Variants in RNF2 observed in about 807,000 individuals in gnomAD.
RNF2 encodes the protein E3 ubiquitin-protein ligase RING2.
A neutral mutation model predicts 37.2 loss-of-function variants in RNF2; 6 were observed. That is an observed-to-expected ratio of 0.16 (90% CI 0.09 to 0.32). The LOEUF (loss-of-function observed/expected upper bound fraction) is 0.32, where lower values mean the gene tolerates loss of function less well. Among genes scored for constraint, RNF2 ranks in the 10% least tolerant of loss-of-function variants. The pLI is 1.00. For synonymous variants in RNF2, 133 were observed against 132.7 expected (o/e 1.00, Z -0.02); for missense variants, 251 against 404.0 (o/e 0.62, Z 3.25).
chr1:185,070,362 A>G (rs1380820028), intron 1 of RNF2, among the ~76,000 whole-genome samples: 1 of 152,224 alleles, frequency 6.6e-6, no homozygotes, highest in Non-Finnish European at 1.5e-5. Context: ...AAGATCATTT[A>G]CTGTGCTTTC....
At chr1:185,070,636 T>C (rs1054204109) in intron 1 of RNF2, among the ~76,000 whole-genome samples, 2 of 150,608 alleles carry the variant, frequency 1.3e-5, no homozygotes, top group Admixed American at 6.6e-5. Flanking sequence ...GTATTTTCTT[T>C]TCTTTTTTTT....
chr1:185,100,173 T>C, intron 6 of RNF2, 27 bp from the exon 7 acceptor site: 2 of 1,520,362 alleles, frequency 1.3e-6, no homozygotes, highest in Non-Finnish European at 8.9e-7. Flanking sequence ...GCAGTTTTCA[T>C]AATTTTTTCT....
Position 185,093,021 on chromosome 1 carries a change from C to T in RNF2, c.249-40C>T, listed in dbSNP as rs774520203. The T allele has an allele frequency of 2.1e-5, 33 of 1,579,518 alleles. 1 individual carries two copies. In the Middle Eastern group the frequency reaches 1.4e-3, roughly 67 times the overall value. ...TATTTTTGTCTTTAGCCCAAAGATA[C>T]TAGCATTGTTTACATTTGCTTTCCC... is the stretch of plus-strand genomic sequence containing the variant. On this transcript the variant is annotated intron_variant, in intron 3 of 6. Coordinates refer to ENST00000367510, the MANE Select transcript of RNF2 (RefSeq NM_007212.4).
chr1:185,076,674 T>G (rs1304574808), intron 1 of RNF2, among the ~76,000 whole-genome samples: 1 of 148,896 alleles, frequency 6.7e-6, no homozygotes, highest in Non-Finnish European at 1.5e-5. Context: ...TTGAAAAGGG[T>G]TTAAATTTTT....
At chr1:185,079,610 T>A (rs1651285640) in intron 1 of RNF2, among the ~76,000 whole-genome samples, 1 of 152,204 alleles carries the variant, frequency 6.6e-6, no homozygotes, top group Admixed American at 6.5e-5. Flanking sequence ...AAATGAGATG[T>A]TGTCCAATTC....
chr1:185,076,798 A>T (rs868612482), intron 1 of RNF2, among the ~76,000 whole-genome samples: 8 of 151,514 alleles, frequency 5.3e-5, no homozygotes, highest in Non-Finnish European at 1.2e-4. Context: ...GTTGCTTTCT[A>T]TTAAGCTTTA....
chr1:185,097,282 T>TA (rs1651938609), intron 4 of RNF2, among the ~76,000 whole-genome samples: 1 of 152,184 alleles, frequency 6.6e-6, no homozygotes, highest in African/African-American at 2.4e-5. Flanking sequence ...GTTATTTAGA[T>TA]ACCATCGCAT....
chr1:185,097,731 C>T (rs1238957541), intron 4 of RNF2, among the ~76,000 whole-genome samples: 2 of 152,190 alleles, frequency 1.3e-5, no homozygotes, highest in Non-Finnish European at 2.9e-5. Context: ...GAGACAGGGT[C>T]TCACTTTGTT....
chr1:185,077,016 T>C (rs1223143471), intron 1 of RNF2, among the ~76,000 whole-genome samples: 1 of 152,208 alleles, frequency 6.6e-6, no homozygotes, highest in Non-Finnish European at 1.5e-5. Flanking sequence ...GAGTTTTGTC[T>C]TTTCAATATT....
intron 4 of RNF2, among the ~76,000 whole-genome samples, chr1:185,095,874 C>CT (rs1651897380): frequency 6.6e-6 from 1 of 152,186 alleles, no homozygotes; most frequent in South Asian, 2.1e-4. Flanking sequence ...TTCCTCATTT[C>CT]TTTTTTGTTC....
chr1:185,049,971 G>A (rs1022264563), intron 1 of RNF2, among the ~76,000 whole-genome samples: 1 of 152,188 alleles, frequency 6.6e-6, no homozygotes, highest in Admixed American at 6.5e-5. Context: ...TATTGGCAAA[G>A]CCTAAGGAGA....
intron 1 of RNF2, among the ~76,000 whole-genome samples, chr1:185,062,814 C>A (rs1234101614): frequency 6.7e-6 from 1 of 148,954 alleles, no homozygotes; most frequent in African/African-American, 2.5e-5. Context: ...TAGACCTCCC[C>A]CCCCCCAAAA....
At chr1:185,090,146 T>C (rs1053818388) in intron 2 of RNF2, among the ~76,000 whole-genome samples, 4 of 152,112 alleles carry the variant, frequency 2.6e-5, no homozygotes, top group Non-Finnish European at 5.9e-5. Flanking sequence ...GGTCTCGAAC[T>C]TCTGACCTTG....
At chr1:185,045,852 T>G (rs1179043879) in intron 1 of RNF2, among the ~76,000 whole-genome samples, 2 of 152,136 alleles carry the variant, frequency 1.3e-5, no homozygotes, top group African/African-American at 4.8e-5. Flanking sequence ...TTCTCATTGT[T>G]CCCGTGTCTT....
rs569959530 is a variant in RNF2 at position 185,054,890 on chromosome 1, A to G, written c.-3+9241A>G. 9.2e-5 allele frequency among the ~76,000 whole-genome samples: 14 copies of G among 152,048 alleles called. No homozygotes were observed. The South Asian group carries it at 2.9e-3, about 32-fold the overall frequency. Reference sequence around the variant, plus strand: ...TTTTTTTCTATTTTTGGTGGAGACAAGGTTTCTCCATGTTGCCCAGGCTGG... The same window carrying G: ...TTTTTTTCTATTTTTGGTGGAGACAGGGTTTCTCCATGTTGCCCAGGCTGG... On this transcript the variant is annotated intron_variant, in intron 1 of 6. Coordinates refer to ENST00000367510, the MANE Select transcript of RNF2 (RefSeq NM_007212.4).
chr1:185,053,889 T>TAA (rs138631564), intron 1 of RNF2, among the ~76,000 whole-genome samples: 4 of 148,830 alleles, frequency 2.7e-5, no homozygotes, highest in Admixed American at 2.0e-4. Flanking sequence ...TGTCTTGTAT[T>TAA]AAAAAAAAAA....
chr1:185,087,667 G>A (rs763055792), intron 2 of RNF2, 27 bp downstream of exon 2: 4 of 1,523,300 alleles, frequency 2.6e-6, no homozygotes, highest in Non-Finnish European at 3.6e-6. Flanking sequence ...CTGCCAAGGG[G>A]CATATGAGAC....
chr1:185,093,552 C>G (rs1190414175), intron 4 of RNF2, among the ~76,000 whole-genome samples: 1 of 152,076 alleles, frequency 6.6e-6, no homozygotes, highest in African/African-American at 2.4e-5. Flanking sequence ...TTTTCCTATT[C>G]TTTTATGAAC....
At chr1:185,068,539 A>C (rs1486538891) in intron 1 of RNF2, among the ~76,000 whole-genome samples, 2 of 152,222 alleles carry the variant, frequency 1.3e-5, no homozygotes, top group Admixed American at 6.5e-5. Flanking sequence ...ATATGGTCAC[A>C]AGCCAAGGCA....
Sources: gnomAD v4.1 joint callset for allele counts (sites outside exome capture counted in the v4.1 genomes callset) on GRCh38, gnomAD v4.1.1 for gene constraint, MANE v1.5 for transcripts, NCBI Gene and HGNC (gene_info 2026-07-23, HGNC 2026-07-21) for gene names.